PTPN14: variants seen among roughly 807,000 people sequenced by gnomAD.
The protein encoded by PTPN14 is protein tyrosine phosphatase non-receptor type 14.
Under a neutral mutation model 126.8 loss-of-function variants are expected in PTPN14, and 53 were observed. The observed-to-expected ratio is 0.42, with a 90% confidence interval of 0.34 to 0.53. PTPN14 has a LOEUF of 0.53. PTPN14 is among the 20% of genes least tolerant of loss of function. The probability of loss-of-function intolerance (pLI) is 0.08; values close to 1 mark genes in which losing one functional copy is unlikely to be tolerated. For missense variants in PTPN14, 1,257 were observed against 1,552.9 expected, an observed-to-expected ratio of 0.81 and a Z score of 3.20; for synonymous variants, 630 against 599.3, an observed-to-expected ratio of 1.05 and a Z score of -0.75.
intron 12 of PTPN14, among the ~76,000 whole-genome samples, chr1:214,385,780 G>A (rs2102541332): frequency 6.6e-6 from 1 of 152,302 alleles, no homozygotes; most frequent in Middle Eastern, 3.4e-3. Context: ...GATCTGATCA[G>A]ATGAGACAGG....
chr1:214,513,445 CA>C (rs113773162), intron 1 of PTPN14, among the ~76,000 whole-genome samples: 79 of 146,706 alleles, frequency 5.4e-4, no homozygotes, highest in East Asian at 3.6e-3. Flanking sequence ...ATTAGTTCTT[CA>C]AAAAAAAAAA....
At chr1:214,380,418 A>T (rs376164028) in intron 13 of PTPN14, among the ~76,000 whole-genome samples, 98 of 152,316 alleles carry the variant, frequency 6.4e-4, no homozygotes, top group East Asian at 3.3e-3. Context: ...GAGATAAAAA[A>T]AATAATAATA....
intron 3 of PTPN14, among the ~76,000 whole-genome samples, chr1:214,427,634 A>C (rs1434275519): frequency 6.6e-6 from 1 of 152,196 alleles, no homozygotes; most frequent in Non-Finnish European, 1.5e-5. Flanking sequence ...TTGCTCATGG[A>C]GCTCACAGTC....
intron 1 of PTPN14, among the ~76,000 whole-genome samples, chr1:214,473,197 C>T (rs1660799098): frequency 1.3e-5 from 2 of 152,182 alleles, no homozygotes; most frequent in South Asian, 4.1e-4. Flanking sequence ...AGCTTTCTCA[C>T]AATTTAGAAA....
intron 1 of PTPN14, among the ~76,000 whole-genome samples, chr1:214,538,734 A>C (rs1285951428): frequency 2.0e-5 from 3 of 152,150 alleles, no homozygotes; most frequent in African/African-American, 2.4e-5. Context: ...GCAGTATTCT[A>C]ACTAAGTAAG....
In PTPN14 at chr1:214,402,916, G is replaced by A; in HGVS notation, c.548C>T (p.Thr183Ile). 1 of 1,613,944 alleles carries A rather than the reference G, an allele frequency of 6.2e-7. No individual in the cohort carries two copies. Among genetic ancestry groups the A allele is most frequent in the South Asian group, 1.1e-5 (1 of 91,062 alleles). ...TTTGTGTTCTTGGGCTACCTTCTGG[G>A]TCAGCTCCTCCAGAACAGCCTCTTC... ...ALEEAVLEELTQKVAQEHKAH... is the reference protein window; with the variant it reads ...ALEEAVLEELIQKVAQEHKAH... The change falls in exon 6 of 19, where the codon ACC (threonine) becomes ATC (isoleucine). Residue 183 changes from threonine to isoleucine, a missense_variant. Around this residue, in one of 3 missense-constraint regions of PTPN14, gnomAD observed 1,021 missense variants for 1,183.3 expected, o/e 0.86. Transcript: ENST00000366956.
rs1292556644 is a variant in PTPN14 at position 214,364,481 on chromosome 1, A to G, written c.3435+31T>C. The G allele has an allele frequency of 6.2e-7, 1 of 1,605,762 alleles. No individual in the cohort carries two copies. Among genetic ancestry groups the G allele is most frequent in the Non-Finnish European group, 8.5e-7 (1 of 1,174,808 alleles). ...GGGTGTAGACTTGTCCCCAAGGTGG[A>G]GTATCCGGAGAGAAGCCCAGAATGA... On this transcript the variant is annotated intron_variant, in intron 18 of 18. Transcript: ENST00000366956. The surrounding 1 kb of genome is among the most constrained non-coding windows in gnomAD (Gnocchi z 4.1).
intron 3 of PTPN14, among the ~76,000 whole-genome samples, chr1:214,447,908 GA>G (rs1280474471): frequency 6.6e-6 from 1 of 152,102 alleles, no homozygotes; most frequent in Non-Finnish European, 1.5e-5. Context: ...TCCTGTGTTG[GA>G]AAACACTTCT....
intron 3 of PTPN14, among the ~76,000 whole-genome samples, chr1:214,432,719 A>G (rs1659822558): frequency 7.0e-6 from 1 of 142,360 alleles, no homozygotes; most frequent in Admixed American, 7.2e-5. Flanking sequence ...ATACTGTATT[A>G]CTCTACCTAA....
Position 214,495,483 on chromosome 1 carries a change from C to T in PTPN14, c.-154-30526G>A, listed in dbSNP as rs76602566. Among the ~76,000 whole-genome samples the T allele has an allele frequency of 4.1e-3, 628 of 151,970 alleles. 11 individuals are homozygous for T. Among genetic ancestry groups the T allele is most frequent in the Non-Finnish European group, 3.5e-3 (238 of 67,972 alleles). ...CAAATCTTCTGAAGCAAACTAAGTA[C>T]CATTAAGGAGAGGAATAACAATTGG... is the stretch of plus-strand genomic sequence containing the variant. On this transcript the variant is annotated intron_variant, in intron 1 of 18. Coordinates refer to ENST00000366956, the MANE Select transcript of PTPN14 (RefSeq NM_005401.5).
intron 2 of PTPN14, among the ~76,000 whole-genome samples, chr1:214,458,725 A>ACTT (rs1275937191): frequency 1.3e-5 from 2 of 152,118 alleles, no homozygotes; most frequent in Non-Finnish European, 2.9e-5. Flanking sequence ...GTTTTCATGT[A>ACTT]CTTCTTTTTT....
At chr1:214,489,343 T>C (rs1374762251) in intron 1 of PTPN14, among the ~76,000 whole-genome samples, 1 of 152,190 alleles carries the variant, frequency 6.6e-6, no homozygotes, top group African/African-American at 2.4e-5. Flanking sequence ...CGTATCCATC[T>C]GTACCATGCC....
At chr1:214,453,601 C>T (rs557336200) in intron 2 of PTPN14, among the ~76,000 whole-genome samples, 1 of 152,086 alleles carries the variant, frequency 6.6e-6, no homozygotes, top group South Asian at 2.1e-4. Context: ...ATTGCTGCTG[C>T]GGCTGCACGA....
chr1:214,427,977 T>C (rs1406020740), intron 3 of PTPN14, among the ~76,000 whole-genome samples: 1 of 152,112 alleles, frequency 6.6e-6, no homozygotes, highest in Admixed American at 6.5e-5. Flanking sequence ...CAGGAAGTGG[T>C]ACAAACCACA....
chr1:214,447,626 C>CT (rs1361269715), intron 3 of PTPN14, among the ~76,000 whole-genome samples: 1 of 151,914 alleles, frequency 6.6e-6, no homozygotes, highest in Admixed American at 6.6e-5. Flanking sequence ...TTTACTCACT[C>CT]TGACACCCCT....
chr1:214,397,381 T>C (rs950943734), intron 8 of PTPN14, among the ~76,000 whole-genome samples: 2 of 152,194 alleles, frequency 1.3e-5, no homozygotes, highest in Admixed American at 6.5e-5. Context: ...GCAAGCATAC[T>C]GACATGAAAT....
At chr1:214,439,593 G>A (rs752124778) in intron 3 of PTPN14, among the ~76,000 whole-genome samples, 6 of 152,170 alleles carry the variant, frequency 3.9e-5, no homozygotes, top group Non-Finnish European at 7.3e-5. Flanking sequence ...CAAGATTGAC[G>A]AGCTGACCTT....
rs773220863 is a variant in PTPN14, at chr1:214,458,923, A to AT, written c.174+5706dup. On this transcript the variant is annotated intron_variant, in intron 2 of 18. Coordinates refer to ENST00000366956, the MANE Select transcript of PTPN14 (RefSeq NM_005401.5). ...GGGTTAAACCCACTGATGCAGACAT[A>AT]TTATAATGACATTATTGGAATTCTG... Among the ~76,000 whole-genome samples the AT allele has an allele frequency of 2.0e-5, 3 of 152,232 alleles. No homozygotes were observed. In the East Asian group the frequency reaches 5.8e-4, roughly 29 times the overall value.
chr1:214,501,653 A>G (rs17791024), intron 1 of PTPN14, among the ~76,000 whole-genome samples: 6,413 of 152,320 alleles, frequency 0.042, 201 homozygotes, highest in Middle Eastern at 0.12. Flanking sequence ...CTGGAATAAT[A>G]AACAATATTT....
Sources: gnomAD v4.1 joint callset for allele counts (sites outside exome capture counted in the v4.1 genomes callset) on GRCh38, gnomAD v4.1.1 for gene constraint, gnomAD v4.1.1 regional missense constraint, Gnocchi (gnomAD v3.1) non-coding constraint, MANE v1.5 for transcripts, NCBI Gene and HGNC (gene_info 2026-07-23, HGNC 2026-07-21) for gene names.